The following ACOXL variants were observed in gnomAD, a reference collection of about 807,000 sequenced individuals.
ACOXL encodes acyl-CoA oxidase like.
Under a neutral mutation model 71.9 loss-of-function variants are expected in ACOXL, and 70 were observed. The ratio of observed to expected loss-of-function variants is 0.97; its 90% CI spans 0.80 to 1.19. ACOXL has a LOEUF of 1.19. ACOXL is among the 50% of genes most tolerant of loss of function. The probability of loss-of-function intolerance (pLI) is 0.00; values close to 1 mark genes in which losing one functional copy is unlikely to be tolerated. For missense variants in ACOXL, 703 were observed against 736.3 expected (o/e 0.95, Z 0.52); for synonymous variants, 253 against 281.6 (o/e 0.90, Z 1.02).
chr2:111,083,155 G>A lies in ACOXL; in HGVS notation c.1441-9710G>A, dbSNP rs577652065. On this transcript the variant is annotated intron_variant, in intron 16 of 17. Transcript: ENST00000439055. The stretch of plus-strand genomic sequence containing the variant: ...TATGTAACAAACCTGCACATTCTGC[G>A]CATGTATCCCAGAACTTAAATTATA... Among the ~76,000 whole-genome samples, 82 of 152,066 alleles carry A rather than the reference G, an allele frequency of 5.4e-4. No homozygotes were observed. The East Asian group carries it at 9.7e-3, about 18-fold the overall frequency.
intron 10 of ACOXL, among the ~76,000 whole-genome samples, chr2:110,883,893 A>G (rs1453652099): frequency 6.6e-6 from 1 of 152,218 alleles, no homozygotes; most frequent in African/African-American, 2.4e-5. Context: ...ATTATTTATC[A>G]TAGACACATA....
Position 111,083,603 on chromosome 2 carries a change from A to G in ACOXL, c.1441-9262A>G, listed in dbSNP as rs1209517509. 7.9e-5 allele frequency among the ~76,000 whole-genome samples: 12 copies of G among 152,070 alleles called. No homozygotes were observed. In the East Asian group the frequency reaches 1.2e-3, roughly 15 times the overall value. On this transcript the variant is annotated intron_variant, in intron 16 of 17. Transcript: ENST00000439055. Reference sequence around the variant, plus strand: ...ATAGTCACATAAGCATGTAGCATTCATATGACTGACCTCAGCTCCTCAGCT... The same window carrying G: ...ATAGTCACATAAGCATGTAGCATTCGTATGACTGACCTCAGCTCCTCAGCT...
intron 16 of ACOXL, among the ~76,000 whole-genome samples, chr2:111,079,356 T>G (rs956243256): frequency 6.6e-6 from 1 of 152,182 alleles, no homozygotes; most frequent in African/African-American, 2.4e-5. Flanking sequence ...ACATGTAATA[T>G]TTGTCTTTCT....
intron 14 of ACOXL, among the ~76,000 whole-genome samples, chr2:111,012,356 C>T (rs1308492302): frequency 6.6e-6 from 1 of 152,070 alleles, no homozygotes; most frequent in Admixed American, 6.6e-5. Context: ...CTTTTATGTG[C>T]ACTGGGAAAC....
chr2:110,979,761 C>T (rs1324164542), intron 12 of ACOXL, among the ~76,000 whole-genome samples: 1 of 152,150 alleles, frequency 6.6e-6, no homozygotes, highest in Non-Finnish European at 1.5e-5. Flanking sequence ...GTAGCACACC[C>T]GAGACTCAGA....
At chr2:110,994,063 G>A (rs897827446) in intron 13 of ACOXL, among the ~76,000 whole-genome samples, 9 of 152,214 alleles carry the variant, frequency 5.9e-5, no homozygotes, top group Admixed American at 2.0e-4. Flanking sequence ...ATGACTCAGC[G>A]AGTGGGTGAG....
intron 16 of ACOXL, among the ~76,000 whole-genome samples, chr2:111,057,611 G>A (rs1456740134): frequency 6.6e-6 from 1 of 152,296 alleles, no homozygotes; most frequent in Non-Finnish European, 1.5e-5. Flanking sequence ...GGAAGGCAGA[G>A]GGGTTCCCTC....
chr2:110,802,223 C>A (rs1686093969), intron 8 of ACOXL, among the ~76,000 whole-genome samples: 1 of 152,110 alleles, frequency 6.6e-6, no homozygotes, highest in Admixed American at 6.5e-5. Context: ...CCTTCCCCCC[C>A]CTGCCATTAC....
At position 110,749,748 on chromosome 2, in the gene ACOXL, A is replaced by G. The variant is rs558383922; in HGVS notation, c.-23+16974A>G. On this transcript the variant is annotated intron_variant, in intron 1 of 17. Coordinates refer to ENST00000439055, the MANE Select transcript of ACOXL (RefSeq NM_001142807.4). Reference sequence around the variant, plus strand: ...ATCTCAGAAAAACAAAGCAGCATCTATTAAACTCTAGACTTGGTTTGTATT... The same window carrying G: ...ATCTCAGAAAAACAAAGCAGCATCTGTTAAACTCTAGACTTGGTTTGTATT... Among the ~76,000 whole-genome samples, 7 of 152,322 alleles carry G rather than the reference A, an allele frequency of 4.6e-5. No individual in the cohort carries two copies. In the East Asian group the frequency reaches 1.2e-3, roughly 25 times the overall value.
Position 110,905,383 on chromosome 2 carries a change from G to A in ACOXL, c.789-3406G>A, listed in dbSNP as rs755082278. On this transcript the variant is annotated intron_variant, in intron 10 of 17. Transcript: ENST00000439055. ...GGAAGCATCTGAAGGGGCTTAGTGG[G>A]AGAAAAGGCTGGAACACTCAAGTCA... Among the ~76,000 whole-genome samples the A allele has an allele frequency of 2.3e-4, 35 of 152,272 alleles. 1 individual carries two copies. Among genetic ancestry groups the A allele is most frequent in the Admixed American group, 7.8e-4 (12 of 15,300 alleles).
At chr2:110,922,992 C>T (rs1397367119) in intron 11 of ACOXL, among the ~76,000 whole-genome samples, 1 of 152,184 alleles carries the variant, frequency 6.6e-6, no homozygotes, top group Non-Finnish European at 1.5e-5. Flanking sequence ...CCCATTATAG[C>T]TCTGCAGCTT....
At chr2:111,022,004 A>T (rs2064783433) in intron 14 of ACOXL, among the ~76,000 whole-genome samples, 1 of 152,200 alleles carries the variant, frequency 6.6e-6, no homozygotes, top group African/African-American at 2.4e-5. Context: ...GACCAGAGAG[A>T]GAGAGATGAA....
At chr2:111,063,546 G>A (rs2066917543) in intron 16 of ACOXL, among the ~76,000 whole-genome samples, 1 of 152,236 alleles carries the variant, frequency 6.6e-6, no homozygotes, top group African/African-American at 2.4e-5. Context: ...TCCAATTGAT[G>A]CAGAAAAAAG....
intron 10 of ACOXL, among the ~76,000 whole-genome samples, chr2:110,859,763 C>T (rs963612199): frequency 5.3e-5 from 8 of 152,216 alleles, no homozygotes; most frequent in Admixed American, 2.0e-4. Context: ...GGCACCCCAG[C>T]AGGACCCCAG....
intron 3 of ACOXL, among the ~76,000 whole-genome samples, chr2:110,786,316 G>A (rs1221201748): frequency 6.6e-6 from 1 of 152,184 alleles, no homozygotes; most frequent in Non-Finnish European, 1.5e-5. Flanking sequence ...TTGGTAGGTA[G>A]GAATTAAAAA....
intron 12 of ACOXL, among the ~76,000 whole-genome samples, chr2:110,942,367 G>C (rs953772924): frequency 6.6e-6 from 1 of 152,172 alleles, no homozygotes; most frequent in African/African-American, 2.4e-5. Flanking sequence ...TAAATGGATG[G>C]GAAAAGATGC....
At chr2:111,049,795 C>G (rs924846240) in intron 16 of ACOXL, among the ~76,000 whole-genome samples, 7 of 151,212 alleles carry the variant, frequency 4.6e-5, no homozygotes, top group African/African-American at 1.2e-4. Flanking sequence ...CTTCTTCCCC[C>G]CAACCCCCCG....
chr2:111,012,230 A>T (rs2064203757), intron 14 of ACOXL, among the ~76,000 whole-genome samples: 1 of 152,214 alleles, frequency 6.6e-6, no homozygotes, highest in Non-Finnish European at 1.5e-5. Flanking sequence ...CCAACAGCAT[A>T]TGCTCACTTC....
intron 16 of ACOXL, among the ~76,000 whole-genome samples, chr2:111,082,155 C>T (rs1297643218): frequency 4.6e-5 from 7 of 152,040 alleles, no homozygotes; most frequent in Non-Finnish European, 8.8e-5. Context: ...CCAATGAAAG[C>T]CAAAATTGAC....
Sources: allele counts gnomAD v4.1 joint callset (sites outside exome capture counted in the v4.1 genomes callset), GRCh38; gene constraint gnomAD v4.1.1; transcripts MANE v1.5; gene names NCBI Gene and HGNC (gene_info 2026-07-23, HGNC 2026-07-21).